Variants in CENPW observed in about 807,000 individuals in gnomAD.
The protein encoded by CENPW is cancer-up-regulated gene 2 protein.
CENPW carries 3 observed loss-of-function variants against 11.1 expected under a neutral mutation model. The ratio of observed to expected loss-of-function variants is 0.27; its 90% CI spans 0.12 to 0.70. CENPW has a LOEUF of 0.70. Among genes scored for constraint, CENPW ranks in the 30% least tolerant of loss-of-function variants. The pLI, the probability that CENPW is intolerant of heterozygous loss-of-function variation, is 0.77. For missense variants in CENPW, 100 were observed against 105.6 expected (o/e 0.95, Z 0.23); for synonymous variants, 38 against 42.0 (o/e 0.91, Z 0.37).
the CENPW span, among the ~76,000 whole-genome samples, chr6:126,436,058 G>T: frequency 1.6e-4 from 25 of 151,790 alleles, no homozygotes; most frequent in South Asian, 2.3e-3. Context: ...TAGCGTTCCG[G>T]GGTCAGTGTA....
At chr6:126,393,939 A>G in the CENPW span, among the ~76,000 whole-genome samples, 2 of 151,784 alleles carry the variant, frequency 1.3e-5, no homozygotes, top group African/African-American at 2.4e-5. Flanking sequence ...TCTGCTATAC[A>G]TACAGCTACT....
chr6:126,412,311 T>G, the CENPW span, among the ~76,000 whole-genome samples: 77 of 151,840 alleles, frequency 5.1e-4, no homozygotes, highest in African/African-American at 1.8e-3. Flanking sequence ...TGAAACATAC[T>G]TTTGTTGTAT....
chr6:126,448,771 C>T, the CENPW span, among the ~76,000 whole-genome samples: 7 of 151,140 alleles, frequency 4.6e-5, no homozygotes, highest in South Asian at 2.1e-4. Flanking sequence ...TAAATCCACT[C>T]TCAAATCAGG....
chr6:126,462,503 TTTTC>T, the CENPW span, among the ~76,000 whole-genome samples: 1 of 143,076 alleles, frequency 7.0e-6, no homozygotes, highest in African/African-American at 2.5e-5. Context: ...TCTTCTCTTC[TTTTC>T]TTTCTCTCTC....
the CENPW span, among the ~76,000 whole-genome samples, chr6:126,388,533 A>C: frequency 6.6e-6 from 1 of 151,970 alleles, no homozygotes; most frequent in African/African-American, 2.4e-5. Flanking sequence ...TTTGGTTGTC[A>C]GTTTTCTGAC....
the CENPW span, among the ~76,000 whole-genome samples, chr6:126,383,426 C>T: frequency 9.2e-5 from 14 of 152,200 alleles, no homozygotes; most frequent in Middle Eastern, 6.8e-3. Flanking sequence ...CATACCAATA[C>T]TAACCTTGAG....
chr6:126,348,612 G>T lies in CENPW; in HGVS notation c.*120G>T. The T allele has an allele frequency of 3.3e-6, 2 of 613,010 alleles. No homozygotes were observed. Among genetic ancestry groups the T allele is most frequent in the African/African-American group, 1.9e-5 (1 of 51,924 alleles). 38.0% of individuals were successfully genotyped at this position (613,010 alleles called of 1,614,324 possible). Reference sequence around the variant, plus strand: ...ATTAAATATTGGCTATAAGTGATGTGTGTGTTTGTATTTTTTTTCTGGCAT... The same window carrying T: ...ATTAAATATTGGCTATAAGTGATGTTTGTGTTTGTATTTTTTTTCTGGCAT... On this transcript the variant is annotated 3_prime_UTR_variant, in exon 3 of 3. Transcript: ENST00000368328.
At chr6:126,400,157 G>C in the CENPW span, among the ~76,000 whole-genome samples, 1 of 151,980 alleles carries the variant, frequency 6.6e-6, no homozygotes, top group Non-Finnish European at 1.5e-5. Context: ...TTATATTAGA[G>C]TGAGTAACAG....
the CENPW span, among the ~76,000 whole-genome samples, chr6:126,457,829 G>C: frequency 2.6e-5 from 4 of 151,314 alleles, no homozygotes; most frequent in Admixed American, 2.6e-4. Context: ...TCTTACAAGA[G>C]GCAATATACA....
chr6:126,478,463 C>G, the CENPW span, among the ~76,000 whole-genome samples: 2 of 151,726 alleles, frequency 1.3e-5, no homozygotes, highest in East Asian at 3.9e-4. Context: ...AAGCCATTTG[C>G]AGATCAACAG....
chr6:126,479,488 A>C, the CENPW span, among the ~76,000 whole-genome samples: 116 of 151,976 alleles, frequency 7.6e-4, 1 homozygote, highest in Non-Finnish European at 8.2e-4. Context: ...ACAAAACAAG[A>C]CTTGAGGGAC....
chr6:126,351,147 T>A (rs1422984518), downstream of CENPW, among the ~76,000 whole-genome samples: 2 of 122,102 alleles, frequency 1.6e-5, no homozygotes, highest in Non-Finnish European at 1.8e-5. Flanking sequence ...AGAGAGAGAG[T>A]GAGTGTGTGT....
the CENPW span, among the ~76,000 whole-genome samples, chr6:126,366,522 T>G: frequency 6.6e-6 from 1 of 152,212 alleles, no homozygotes; most frequent in Non-Finnish European, 1.5e-5. Context: ...TGAACCATAC[T>G]TGTATACGTA....
chr6:126,365,682 A>G, the CENPW span, among the ~76,000 whole-genome samples: 64 of 152,206 alleles, frequency 4.2e-4, no homozygotes, highest in African/African-American at 1.5e-3. Flanking sequence ...TATAAAGAAA[A>G]TATTGTTACC....
the CENPW span, among the ~76,000 whole-genome samples, chr6:126,377,005 T>G: frequency 2.6e-5 from 4 of 152,192 alleles, no homozygotes. Flanking sequence ...GCACATCAAT[T>G]AAATCATTTC....
the CENPW span, among the ~76,000 whole-genome samples, chr6:126,428,666 T>C: frequency 3.3e-5 from 5 of 152,284 alleles, no homozygotes; most frequent in Non-Finnish European, 7.3e-5. Context: ...TGAAAGAAAG[T>C]CTAAAGGCCT....
At chr6:126,433,553 A>G in the CENPW span, among the ~76,000 whole-genome samples, 2 of 152,296 alleles carry the variant, frequency 1.3e-5, no homozygotes, top group South Asian at 2.1e-4. Flanking sequence ...CTTTTCAGGT[A>G]TCTGAAAACT....
At chr6:126,406,712 TGTG>T in the CENPW span, among the ~76,000 whole-genome samples, 1 of 151,746 alleles carries the variant, frequency 6.6e-6, no homozygotes, top group Non-Finnish European at 1.5e-5. Flanking sequence ...ATTAGACAGG[TGTG>T]GTGGTGGGCA....
At chr6:126,438,645 T>C in the CENPW span, among the ~76,000 whole-genome samples, 1 of 151,692 alleles carries the variant, frequency 6.6e-6, no homozygotes, top group Non-Finnish European at 1.5e-5. Flanking sequence ...ATTAAAGGGA[T>C]CTTGTCACCC....
Sources: gnomAD v4.1 joint callset for allele counts (sites outside exome capture counted in the v4.1 genomes callset) on GRCh38, gnomAD v4.1.1 for gene constraint, MANE v1.5 for transcripts, NCBI Gene and HGNC (gene_info 2026-07-23, HGNC 2026-07-21) for gene names.